Variants in CENPP observed in about 807,000 individuals in gnomAD.
CENPP encodes centromere protein P.
In CENPP, 24 loss-of-function variants were observed where a neutral mutation model predicts 35.6. The observed-to-expected ratio is 0.67, with a 90% CI of 0.49 to 0.95. The LOEUF (loss-of-function observed/expected upper bound fraction) is 0.95. Ranked by LOEUF, CENPP falls within the 40% of genes least tolerant of loss-of-function variation. CENPP has a pLI of 0.00. For synonymous variants in CENPP, 120 were observed against 125.5 expected (o/e 0.96, Z 0.29); for missense variants, 332 against 345.3 (o/e 0.96, Z 0.31).
chr9:92,526,751 C>T (rs1848438053), intron 5 of CENPP, among the ~76,000 whole-genome samples: 1 of 151,756 alleles, frequency 6.6e-6, no homozygotes, highest in South Asian at 2.1e-4. Flanking sequence ...TTACAGTAAG[C>T]TAAGGTTAAT....
intron 5 of CENPP, among the ~76,000 whole-genome samples, chr9:92,487,270 G>T (rs1228482449): frequency 1.3e-5 from 2 of 152,210 alleles, no homozygotes; most frequent in East Asian, 3.9e-4. Flanking sequence ...ACTCCTTGGA[G>T]AAATGGCCCA....
chr9:92,500,594 T>C, intron 5 of CENPP: 1 of 833,554 alleles, frequency 1.2e-6, no homozygotes, highest in Non-Finnish European at 1.8e-6. Context: ...CATTTGCCAA[T>C]CTTGTTTAAT....
At chr9:92,492,291 A>G (rs1393309401) in intron 5 of CENPP, among the ~76,000 whole-genome samples, 3 of 152,186 alleles carry the variant, frequency 2.0e-5, no homozygotes, top group African/African-American at 7.2e-5. Flanking sequence ...TAAAACAAAC[A>G]TTGTCATAAT....
chr9:92,487,597 A>G (rs948526632), intron 5 of CENPP, among the ~76,000 whole-genome samples: 6 of 152,246 alleles, frequency 3.9e-5, no homozygotes, highest in Non-Finnish European at 8.8e-5. Flanking sequence ...ATTTAAGGAA[A>G]GATAATCAAG....
chr9:92,363,510 C>T (rs1478758785), intron 4 of CENPP, among the ~76,000 whole-genome samples: 1 of 152,128 alleles, frequency 6.6e-6, no homozygotes, highest in Non-Finnish European at 1.5e-5. Context: ...ATAGGCCATA[C>T]CATATAGCCT....
intron 5 of CENPP, among the ~76,000 whole-genome samples, chr9:92,412,086 A>ATTT (rs1843460414): frequency 6.6e-6 from 1 of 151,806 alleles, no homozygotes; most frequent in Admixed American, 6.6e-5. Flanking sequence ...TTAATTAATT[A>ATTT]ATTAATTTAT....
chr9:92,481,226 T>A (rs1168525346), intron 5 of CENPP, among the ~76,000 whole-genome samples: 1 of 152,210 alleles, frequency 6.6e-6, no homozygotes, highest in Non-Finnish European at 1.5e-5. Flanking sequence ...GAGTAGTTAG[T>A]TGTAACAGAA....
intron 6 of CENPP, among the ~76,000 whole-genome samples, chr9:92,611,605 C>T (rs1381361181): frequency 6.6e-6 from 1 of 152,084 alleles, no homozygotes. Context: ...AGGGGGAAAA[C>T]GCCAGTCCTG....
intron 5 of CENPP, among the ~76,000 whole-genome samples, chr9:92,442,465 C>T (rs1183187227): frequency 6.7e-6 from 1 of 149,138 alleles, no homozygotes; most frequent in Non-Finnish European, 1.5e-5. Flanking sequence ...GGATTTGTAT[C>T]AGGAACTCCA....
chr9:92,554,188 C>T (rs1417789685), intron 5 of CENPP, among the ~76,000 whole-genome samples: 3 of 146,668 alleles, frequency 2.0e-5, no homozygotes. Context: ...GTTTTTAATT[C>T]TTTTTTTTTT....
At chr9:92,501,106 A>G (rs752980805) in intron 5 of CENPP, 6 of 1,558,410 alleles carry the variant, frequency 3.9e-6, no homozygotes, top group Non-Finnish European at 5.2e-6. Context: ...GGTGATCATC[A>G]GCTCTAAATT....
intron 5 of CENPP, chr9:92,404,389 A>T (rs1034549313): frequency 1.6e-6 from 1 of 634,854 alleles, no homozygotes; most frequent in Admixed American, 5.0e-5. Context: ...AATTGAGGTA[A>T]CTGAAACTTA....
At chr9:92,535,500 A>G (rs1563992752) in intron 5 of CENPP, among the ~76,000 whole-genome samples, 1 of 152,066 alleles carries the variant, frequency 6.6e-6, no homozygotes, top group Non-Finnish European at 1.5e-5. Flanking sequence ...CTTCATTTAA[A>G]ATTTCTTACC....
chr9:92,459,363 G>A (rs1845007736), intron 5 of CENPP, among the ~76,000 whole-genome samples: 1 of 152,214 alleles, frequency 6.6e-6, no homozygotes. Flanking sequence ...GAAATTAACT[G>A]TGCCAGCGGC....
At chr9:92,533,670 T>C (rs937996748) in intron 5 of CENPP, among the ~76,000 whole-genome samples, 4 of 152,084 alleles carry the variant, frequency 2.6e-5, no homozygotes, top group Non-Finnish European at 5.9e-5. Context: ...CTTTTATTTC[T>C]TGCAGAAATA....
intron 5 of CENPP, among the ~76,000 whole-genome samples, chr9:92,479,346 A>G (rs1258485978): frequency 2.0e-5 from 3 of 152,224 alleles, no homozygotes; most frequent in Non-Finnish European, 4.4e-5. Context: ...AAATTAAAAT[A>G]TGAAATGGAG....
chr9:92,619,291 G>A lies in CENPP; in HGVS notation c.*6142G>A. ...CTTTTAAGTTATTCTCCATAAATCT[G>A]TCTTTTGACTGAATTACAAGCTTCT... On this transcript the variant is annotated 3_prime_UTR_variant, in exon 8 of 8. Coordinates refer to ENST00000375587, the MANE Select transcript of CENPP (RefSeq NM_001012267.3). The A allele has an allele frequency of 1.8e-6, 1 of 568,890 alleles. No individual in the cohort carries two copies. The highest frequency in any genetic ancestry group is 3.2e-6 in the Non-Finnish European group (1 of 316,334). The allele number at this position is 568,890 out of a possible 1,614,324, so 35.2% of individuals were successfully genotyped here. A position where few individuals can be genotyped will look rare whatever the true frequency, so the allele number is the denominator to read the frequency against.
intron 5 of CENPP, among the ~76,000 whole-genome samples, chr9:92,533,748 G>T (rs1323605913): frequency 6.6e-6 from 1 of 152,026 alleles, no homozygotes; most frequent in Non-Finnish European, 1.5e-5. Flanking sequence ...ATCTGAAAAT[G>T]TCATTGTTTA....
chr9:92,335,580 C>CTT (rs57278990), intron 2 of CENPP, among the ~76,000 whole-genome samples: 3 of 143,692 alleles, frequency 2.1e-5, no homozygotes, highest in African/African-American at 7.6e-5. Context: ...TGTCTAGATT[C>CTT]TTTTTTTTTT....
Sources: allele counts gnomAD v4.1 joint callset (sites outside exome capture counted in the v4.1 genomes callset), GRCh38; gene constraint gnomAD v4.1.1; transcripts MANE v1.5; gene names NCBI Gene and HGNC (gene_info 2026-07-23, HGNC 2026-07-21).